PCDHGA7: variants seen among roughly 807,000 people sequenced by gnomAD.
PCDHGA7 encodes the protein protocadherin gamma subfamily A, 7.
PCDHGA7 carries 44 observed loss-of-function variants against 58.3 expected under a neutral mutation model. That is an observed-to-expected ratio of 0.75 (90% CI 0.59 to 0.97). PCDHGA7 has a LOEUF of 0.97. Ranked by LOEUF, PCDHGA7 falls within the 50% of genes least tolerant of loss-of-function variation. PCDHGA7 has a pLI of 0.00. For synonymous variants in PCDHGA7, 516 were observed against 504.2 expected (o/e 1.02, Z -0.31); for missense variants, 1,266 against 1,188.7 (o/e 1.06, Z -0.96).
In PCDHGA7 at chr5:141,509,341, G is replaced by C. The variant is rs552337350; in HGVS notation, c.2573-1606G>C. Among the ~76,000 whole-genome samples, 4 of 152,290 alleles carry C rather than the reference G, an allele frequency of 2.6e-5. No homozygotes were observed. The East Asian group carries it at 7.7e-4, about 29-fold the overall frequency. On this transcript the variant is annotated intron_variant, in intron 3 of 3. Transcript: ENST00000518325. ...GAAGCTCTACTGCCAGCTGGGCCTG[G>C]GCTGGCCTGGGCATCCCTGAGGTTT...
intron 1 of PCDHGA7, chr5:141,409,193 TGTAAA>T (rs2095239502): frequency 1.2e-6 from 2 of 1,613,988 alleles, no homozygotes; most frequent in African/African-American, 1.3e-5. Context: ...CTCTACCCAG[TGTAAA>T]GTAATCATAG....
In PCDHGA7 at chr5:141,511,261, G is replaced by A; in HGVS notation, c.*88G>A. On this transcript the variant is annotated 3_prime_UTR_variant, in exon 4 of 4. Transcript: ENST00000518325. The stretch of plus-strand genomic sequence containing the variant: ...CTGCACCCAGGCCTCAGAGTTTCAG[G>A]GCTAACCCCCAGAATACTGGTAGGG... 2 of 1,557,474 alleles carry A rather than the reference G, an allele frequency of 1.3e-6. No homozygotes were observed. The highest frequency in any genetic ancestry group is 1.4e-5 in the African/African-American group (1 of 73,440).
intron 1 of PCDHGA7, among the ~76,000 whole-genome samples, chr5:141,468,788 C>T (rs2099179417): frequency 6.6e-6 from 1 of 151,926 alleles, no homozygotes; most frequent in Admixed American, 6.6e-5. Context: ...ATGGCGTGAA[C>T]CCGGGAGGCG....
At chr5:141,419,782 C>T (rs765128711) in intron 1 of PCDHGA7, 9 of 1,614,058 alleles carry the variant, frequency 5.6e-6, no homozygotes, top group Non-Finnish European at 7.6e-6. Flanking sequence ...TCCGCCAGCG[C>T]CTGCTAGTCG....
intron 1 of PCDHGA7, among the ~76,000 whole-genome samples, chr5:141,453,288 ATTAT>A (rs577328880): frequency 4.0e-5 from 6 of 151,342 alleles, no homozygotes; most frequent in Admixed American, 1.3e-4. Context: ...TAATTTTTTA[ATTAT>A]TTATTTATTT....
At chr5:141,445,207 AAAGT>A (rs1322618652) in intron 1 of PCDHGA7, among the ~76,000 whole-genome samples, 1 of 152,196 alleles carries the variant, frequency 6.6e-6, no homozygotes, top group Non-Finnish European at 1.5e-5. Flanking sequence ...ATGCTTTTGA[AAAGT>A]AAGAGGTGCA....
chr5:141,414,995 G>C (rs1431326081), intron 1 of PCDHGA7: 14 of 1,613,640 alleles, frequency 8.7e-6, no homozygotes, highest in Non-Finnish European at 1.2e-5. Context: ...CAGAACGCCT[G>C]GCTGTCCTAC....
At chr5:141,422,044 G>A (rs780284162) in intron 1 of PCDHGA7, 1 of 1,611,530 alleles carries the variant, frequency 6.2e-7, no homozygotes, top group Non-Finnish European at 8.5e-7. Flanking sequence ...TCCAGACGAG[G>A]GAATCAACGG....
intron 2 of PCDHGA7, among the ~76,000 whole-genome samples, chr5:141,504,859 C>T (rs1396681670): frequency 6.6e-6 from 1 of 152,090 alleles, no homozygotes; most frequent in African/African-American, 2.4e-5. Context: ...TCTTCCATTT[C>T]CCACCTTCAC....
rs767983504 is a variant in PCDHGA7, at chr5:141,393,225, C to T, written c.2424+7902C>T. On this transcript the variant is annotated intron_variant, in intron 1 of 3. Coordinates refer to ENST00000518325, the MANE Select transcript of PCDHGA7 (RefSeq NM_018920.4). ...TAACCCAAAATTCCAGGTCGAAGATCTAGAAGTAAAAATTAACGAAATCGC... is the reference window on the plus strand; with the variant it reads ...TAACCCAAAATTCCAGGTCGAAGATTTAGAAGTAAAAATTAACGAAATCGC... 7 of 1,613,552 alleles carry T rather than the reference C, an allele frequency of 4.3e-6. No individual in the cohort carries two copies. The South Asian group carries it at 5.5e-5, about 13-fold the overall frequency.
intron 1 of PCDHGA7, chr5:141,412,979 C>A: frequency 1.8e-6 from 1 of 542,930 alleles, no homozygotes; most frequent in Non-Finnish European, 3.2e-6. Flanking sequence ...AAAACGCAGC[C>A]AGAGCTCAAT....
intron 1 of PCDHGA7, chr5:141,418,636 C>G (rs564881404): frequency 6.2e-7 from 1 of 1,613,980 alleles, no homozygotes; most frequent in South Asian, 1.1e-5. Context: ...CTCCAGGCAC[C>G]TCCATCCTGA....
chr5:141,413,601 A>T (rs2095657842), intron 1 of PCDHGA7: 1 of 1,613,814 alleles, frequency 6.2e-7, no homozygotes, highest in African/African-American at 1.3e-5. Flanking sequence ...CAGAAAATCT[A>T]GACGTAAAAA....
chr5:141,422,382 T>C (rs1390444026), intron 1 of PCDHGA7: 5 of 1,585,154 alleles, frequency 3.2e-6, no homozygotes, highest in Admixed American at 1.8e-5. Context: ...AAGTCTCCTG[T>C]TTTATTCCTA....
intron 1 of PCDHGA7, chr5:141,414,845 T>C: frequency 1.2e-6 from 2 of 1,614,218 alleles, no homozygotes; most frequent in South Asian, 1.1e-5. Flanking sequence ...CTGTTTGTGC[T>C]GGACCAGAAC....
intron 1 of PCDHGA7, among the ~76,000 whole-genome samples, chr5:141,463,128 A>G (rs914895217): frequency 1.5e-4 from 23 of 152,190 alleles, no homozygotes; most frequent in Admixed American, 1.4e-3. Context: ...GCTCCCTGGC[A>G]GTTCTTCGCC....
rs1266068276 is a variant in PCDHGA7 at position 141,418,847 on chromosome 5, C to T, written c.2424+33524C>T. 1.2e-6 allele frequency: 2 copies of T among 1,613,972 alleles called. No individual in the cohort carries two copies. The highest frequency in any genetic ancestry group is 1.3e-5 in the African/African-American group (1 of 75,054). On this transcript the variant is annotated intron_variant, in intron 1 of 3. Transcript: ENST00000518325. ...AAAAGACCGAGGATCTCTCTCAACACGGTGTAAAGTAATTGTAGAAGTTGT... is the reference window on the plus strand; with the variant it reads ...AAAAGACCGAGGATCTCTCTCAACATGGTGTAAAGTAATTGTAGAAGTTGT...
chr5:141,455,140 A>G (rs1465733732), intron 1 of PCDHGA7, among the ~76,000 whole-genome samples: 1 of 150,512 alleles, frequency 6.6e-6, no homozygotes, highest in Non-Finnish European at 1.5e-5. Context: ...ACACTGTGTT[A>G]AATAAATATT....
intron 1 of PCDHGA7, chr5:141,418,113 T>C (rs1320881856): frequency 3.1e-6 from 5 of 1,613,912 alleles, no homozygotes; most frequent in Non-Finnish European, 3.4e-6. Context: ...GGGGACTTAC[T>C]TGTGAAGGAC....
Sources: gnomAD v4.1 joint callset for allele counts (sites outside exome capture counted in the v4.1 genomes callset) on GRCh38, gnomAD v4.1.1 for gene constraint, MANE v1.5 for transcripts, NCBI Gene and HGNC (gene_info 2026-07-23, HGNC 2026-07-21) for gene names.